Variants in CDK12 observed in about 807,000 individuals in gnomAD.
CDK12 encodes the protein cyclin dependent kinase 12.
In CDK12, 17 loss-of-function variants were observed where a neutral mutation model predicts 133.8. That is an observed-to-expected ratio of 0.13 (90% CI 0.09 to 0.19). The LOEUF (loss-of-function observed/expected upper bound fraction) is 0.19, where lower values mean the gene tolerates loss of function less well. CDK12 is among the 10% of genes least tolerant of loss of function. CDK12 has a pLI of 1.00. For missense variants in CDK12, 1,508 were observed against 1,818.7 expected, an observed-to-expected ratio of 0.83 and a Z score of 3.11; for synonymous variants, 694 against 683.6, an observed-to-expected ratio of 1.02 and a Z score of -0.24.
rs1267160537 is a variant in CDK12, at chr17:39,471,062, T to A, written c.1230T>A (p.Ala410=). The change falls in exon 2 of 14, where the codon GCT becomes GCA. Residue 410 remains alanine, a synonymous_variant. Coordinates refer to ENST00000447079, the MANE Select transcript of CDK12 (RefSeq NM_016507.4). Reference sequence around the variant, plus strand: ...AAAAGAAGGAAAGAGCAGCTGCTGCTGCTGCAGCAAAGATGGATGGAAAGG... The same window carrying A: ...AAAAGAAGGAAAGAGCAGCTGCTGCAGCTGCAGCAAAGATGGATGGAAAGG... The part of the protein sequence containing the change: ...SRKKKERAAA[A]AAAKMDGKES... 2 of 1,613,354 alleles carry A rather than the reference T, an allele frequency of 1.2e-6. No individual in the cohort carries two copies. Among genetic ancestry groups the A allele is most frequent in the Admixed American group, 1.7e-5 (1 of 59,810 alleles).
intron 7 of CDK12, among the ~76,000 whole-genome samples, chr17:39,510,548 C>T (rs917903018): frequency 6.6e-6 from 1 of 152,034 alleles, no homozygotes; most frequent in South Asian, 2.1e-4. Flanking sequence ...ATTCTTGAAT[C>T]GTCCCTTGGC....
chr17:39,565,455 C>A (rs566757037), downstream of CDK12, among the ~76,000 whole-genome samples: 3 of 134,118 alleles, frequency 2.2e-5, 1 homozygote, highest in East Asian at 2.3e-4. Flanking sequence ...TTAAAAAAAA[C>A]GGAGTTTCGC....
rs1555579681 is a variant in CDK12 at position 39,532,140 on chromosome 17, C to CTATCTCTCTCTG, written c.*825_*826insATCTCTCTCTGT. On this transcript the variant is annotated 3_prime_UTR_variant, in exon 14 of 14. Transcript: ENST00000447079. ...TCTCTCTCTCTCTCTCTCTCTCTCTCTCTGTCTCGCTTGCTCGCTCTCGCT... is the reference window on the plus strand; with the variant it reads ...TCTCTCTCTCTCTCTCTCTCTCTCTCTATCTCTCTCTGTCTGTCTCGCTTGCTCGCTCTCGCT... The CTATCTCTCTCTG allele has an allele frequency of 2.7e-5, 6 of 218,854 alleles. No individual in the cohort carries two copies. The highest frequency in any genetic ancestry group is 1.5e-4 in the African/African-American group (6 of 40,210). 13.6% of individuals were successfully genotyped at this position (218,854 alleles called of 1,614,324 possible). A position where few individuals can be genotyped will look rare whatever the true frequency, so the allele number is the denominator to read the frequency against.
intron 3 of CDK12, among the ~76,000 whole-genome samples, chr17:39,557,860 C>T (rs1278179244): frequency 1.3e-5 from 2 of 152,220 alleles, no homozygotes; most frequent in Non-Finnish European, 2.9e-5. Context: ...CCAGTGCCAT[C>T]TCTGCCACTT....
At chr17:39,525,808 C>A in intron 12 of CDK12, 56 bp from the exon 13 acceptor site, 1 of 1,386,500 alleles carries the variant, frequency 7.2e-7, no homozygotes, top group Non-Finnish European at 9.9e-7. Flanking sequence ...TTGAAGAAGG[C>A]AAAGGGCCCT....
intron 1 of CDK12, among the ~76,000 whole-genome samples, chr17:39,469,627 G>A (rs1163167381): frequency 6.7e-6 from 1 of 149,432 alleles, no homozygotes; most frequent in Non-Finnish European, 1.5e-5. Flanking sequence ...TTACTATGGA[G>A]TATGACTTCT....
chr17:39,486,154 T>C (rs2051107874), intron 2 of CDK12, among the ~76,000 whole-genome samples: 1 of 151,734 alleles, frequency 6.6e-6, no homozygotes, highest in Non-Finnish European at 1.5e-5. Flanking sequence ...GGTTTCACCA[T>C]GTTGGCTAGG....
chr17:39,557,672 C>T (rs996916605), intron 3 of CDK12, among the ~76,000 whole-genome samples: 4 of 152,148 alleles, frequency 2.6e-5, no homozygotes, highest in African/African-American at 7.2e-5. Flanking sequence ...TTCTGCCTGC[C>T]GGTTTGTTTT....
At chr17:39,523,974 G>A (rs1434516345) in intron 11 of CDK12, among the ~76,000 whole-genome samples, 2 of 152,166 alleles carry the variant, frequency 1.3e-5, no homozygotes, top group Non-Finnish European at 2.9e-5. Flanking sequence ...ACACTAGAAT[G>A]TTGATACATT....
chr17:39,524,868 G>C lies in CDK12; in HGVS notation c.3290G>C (p.Gly1097Ala), dbSNP rs764344226. ...PQPAPGKVES[G>A]AGDAIGLADI... Reference sequence around the variant, plus strand: ...CCTGCTCCTGGCAAGGTGGAGTCTGGGGCTGGGGATGCAATAGGTCAGTGC... The same window carrying C: ...CCTGCTCCTGGCAAGGTGGAGTCTGCGGCTGGGGATGCAATAGGTCAGTGC... Residue 1097 changes from glycine to alanine, a missense_variant, in exon 12 of 14, where the codon GGG (glycine) becomes GCG (alanine). By Grantham distance (60) the Gly-to-Ala change is moderately conservative. This residue lies in a region of CDK12 where 399 missense variants were observed against 469.6 expected (regional missense o/e 0.85). Coordinates refer to ENST00000447079, the MANE Select transcript of CDK12 (RefSeq NM_016507.4). The C allele has an allele frequency of 6.2e-7, 1 of 1,613,584 alleles. No homozygotes were observed. The highest frequency in any genetic ancestry group is 1.1e-5 in the South Asian group (1 of 91,056).
chr17:39,489,462 C>T, intron 2 of CDK12, among the ~76,000 whole-genome samples: 1 of 152,032 alleles, frequency 6.6e-6, no homozygotes, highest in East Asian at 1.9e-4. Flanking sequence ...ACCTCAGCCT[C>T]CCAAAGTGCT....
intron 1 of CDK12, among the ~76,000 whole-genome samples, chr17:39,464,007 ACC>A (rs1394007038): frequency 6.6e-6 from 1 of 151,972 alleles, no homozygotes; most frequent in Non-Finnish European, 1.5e-5. Flanking sequence ...TTGCTTTGTG[ACC>A]TTTAGCAAAT....
rs1415150520 is a variant in CDK12 at position 39,519,863 on chromosome 17, G to C, written c.2964-93G>C. 13 of 1,479,554 alleles carry C rather than the reference G, an allele frequency of 8.8e-6. No homozygotes were observed. The Admixed American group carries it at 1.9e-4, about 22-fold the overall frequency. 91.7% of individuals were successfully genotyped at this position (1,479,554 alleles called of 1,614,324 possible). A position where few individuals can be genotyped will look rare whatever the true frequency, so the allele number is the denominator to read the frequency against. The stretch of plus-strand genomic sequence containing the variant: ...CCTACCTTGGCCTCCCAAAGTGCTG[G>C]AATTACAGGTGTGAGACCCTTTGAA... On this transcript the variant is annotated intron_variant, in intron 10 of 13. Coordinates refer to ENST00000447079, the MANE Select transcript of CDK12 (RefSeq NM_016507.4).
At chr17:39,553,034 G>A (rs2056017227) in intron 2 of CDK12, among the ~76,000 whole-genome samples, 1 of 152,102 alleles carries the variant, frequency 6.6e-6, no homozygotes, top group Non-Finnish European at 1.5e-5. Flanking sequence ...TCATTTCTAA[G>A]GTTTAGCCAA....
At chr17:39,476,564 C>T (rs564863613) in intron 2 of CDK12, among the ~76,000 whole-genome samples, 2 of 151,856 alleles carry the variant, frequency 1.3e-5, no homozygotes, top group East Asian at 1.9e-4. Flanking sequence ...CAGGCACCTG[C>T]CACCATGTTC....
At chr17:39,498,896 T>C (rs1432781296) in intron 5 of CDK12, among the ~76,000 whole-genome samples, 36 of 48 alleles carry the variant, frequency 0.75, 13 homozygotes, top group African/African-American at 0.79. Flanking sequence ...TCTTTCTTTC[T>C]TTCTTTCTTT....
intron 3 of CDK12, among the ~76,000 whole-genome samples, chr17:39,557,254 G>A (rs2056195122): frequency 1.3e-5 from 2 of 152,146 alleles, no homozygotes; most frequent in South Asian, 4.1e-4. Context: ...GAAACTGCCC[G>A]CCTTAACATC....
intron 2 of CDK12, among the ~76,000 whole-genome samples, chr17:39,472,722 A>G (rs1052018788): frequency 1.3e-5 from 2 of 152,140 alleles, no homozygotes; most frequent in African/African-American, 4.8e-5. Context: ...ATATAATTAC[A>G]ATATCTTCAT....
chr17:39,490,375 AAG>A (rs2051490221), intron 2 of CDK12, among the ~76,000 whole-genome samples, 180 bp from the exon 3 acceptor site: 1 of 152,052 alleles, frequency 6.6e-6, no homozygotes, highest in African/African-American at 2.4e-5. Context: ...TCAAAAAAAA[AAG>A]AAAAAAATTA....
Sources: gnomAD v4.1 joint callset for allele counts (sites outside exome capture counted in the v4.1 genomes callset) on GRCh38, gnomAD v4.1.1 for gene constraint, gnomAD v4.1.1 regional missense constraint, MANE v1.5 for transcripts, NCBI Gene and HGNC (gene_info 2026-07-23, HGNC 2026-07-21) for gene names.